AMBRA1: variants seen among roughly 807,000 people sequenced by gnomAD.
The protein encoded by AMBRA1 is activating molecule in BECN1-regulated autophagy protein 1.
In AMBRA1, 47 loss-of-function variants were observed where a neutral mutation model predicts 125.4. The ratio of observed to expected loss-of-function variants is 0.37; its 90% CI spans 0.30 to 0.48. The LOEUF (loss-of-function observed/expected upper bound fraction) is 0.48, where lower values mean the gene tolerates loss of function less well. Ranked by LOEUF, AMBRA1 falls within the 20% of genes least tolerant of loss-of-function variation. The pLI is 0.99. For synonymous variants in AMBRA1, 626 were observed against 655.5 expected (o/e 0.95, Z 0.69); for missense variants, 1,331 against 1,693.4 (o/e 0.79, Z 3.76).
intron 11 of AMBRA1, among the ~76,000 whole-genome samples, chr11:46,454,082 G>A (rs1948738029): frequency 6.6e-6 from 1 of 152,144 alleles, no homozygotes; most frequent in South Asian, 2.1e-4. Context: ...TGAGGCCAAA[G>A]GCACTGGATC....
chr11:46,407,977 GCA>G (rs1380069782), intron 17 of AMBRA1, among the ~76,000 whole-genome samples: 3 of 152,214 alleles, frequency 2.0e-5, no homozygotes, highest in African/African-American at 7.2e-5. Flanking sequence ...TGTGAGGCTG[GCA>G]CAGAGAGTCA....
chr11:46,515,527 T>C (rs926030433), intron 7 of AMBRA1, among the ~76,000 whole-genome samples: 4 of 151,960 alleles, frequency 2.6e-5, no homozygotes, highest in Non-Finnish European at 5.9e-5. Context: ...TTAAAGAAAC[T>C]AATTATGGTA....
chr11:46,400,445 C>A (rs1423531069), intron 17 of AMBRA1, among the ~76,000 whole-genome samples: 2 of 140,344 alleles, frequency 1.4e-5, no homozygotes, highest in Non-Finnish European at 3.0e-5. Flanking sequence ...TGGTACTTGG[C>A]AGCCTCATGC....
chr11:46,416,792 C>T (rs1263544854), intron 15 of AMBRA1, among the ~76,000 whole-genome samples: 1 of 152,224 alleles, frequency 6.6e-6, no homozygotes, highest in Non-Finnish European at 1.5e-5. Context: ...ATTTAGTCGG[C>T]TGGAACCTTG....
chr11:46,425,310 TTGTGTGTGTGTGTGTGTGTGTGTG>T lies in AMBRA1; in HGVS notation c.2977-7282_2977-7259del, dbSNP rs34321655. On this transcript the variant is annotated intron_variant, in intron 14 of 17. Transcript: ENST00000683756. ...CTTCTGTATCTTTTGCTTGATCCAT[TTGTGTGTGTGTGTGTGTGTGTGTG>T]TGTGTGTGTGTGTGTGTAAGAAGTA... Among the ~76,000 whole-genome samples the T allele has an allele frequency of 1.9e-4, 26 of 135,498 alleles. 1 individual carries two copies. Among genetic ancestry groups the T allele is most frequent in the Admixed American group, 7.4e-5 (1 of 13,598 alleles). The allele number at this position is 135,498 out of a possible 152,430, so 88.9% of individuals were successfully genotyped here. A position where few individuals can be genotyped will look rare whatever the true frequency, so the allele number is the denominator to read the frequency against.
intron 7 of AMBRA1, among the ~76,000 whole-genome samples, chr11:46,523,697 G>C (rs147493375): frequency 6.6e-6 from 1 of 152,158 alleles, no homozygotes; most frequent in Non-Finnish European, 1.5e-5. Context: ...ACCCAGATGC[G>C]CTTTATTTAG....
Position 46,493,978 on chromosome 11 carries a change from T to C in AMBRA1, c.2420+146A>G, listed in dbSNP as rs1565216427. On this transcript the variant is annotated intron_variant, in intron 10 of 17. Transcript: ENST00000683756. ...TTTGAATGTGGCTAACCATCATCCG[T>C]CAAGAGTTTAGACAGCAGGGCTGGG... The C allele has an allele frequency of 3.1e-5, 24 of 763,780 alleles. No individual in the cohort carries two copies. In the South Asian group the frequency reaches 3.9e-4, roughly 13 times the overall value. The allele number at this position is 763,780 out of a possible 1,614,324, so 47.3% of individuals were successfully genotyped here.
At chr11:46,578,485 T>TA (rs1330536762) in intron 1 of AMBRA1, among the ~76,000 whole-genome samples, 60 of 137,992 alleles carry the variant, frequency 4.3e-4, no homozygotes, top group South Asian at 2.3e-3. Flanking sequence ...AGACTCCATC[T>TA]AAAAAAAAAA....
intron 8 of AMBRA1, among the ~76,000 whole-genome samples, chr11:46,512,293 C>A (rs556835031): frequency 1.1e-4 from 16 of 152,346 alleles, no homozygotes; most frequent in South Asian, 8.3e-4. Context: ...TTGACTTCTG[C>A]CTTTTGATAT....
chr11:46,585,819 T>C (rs2044377772), intron 1 of AMBRA1, among the ~76,000 whole-genome samples: 1 of 145,930 alleles, frequency 6.9e-6, no homozygotes. Context: ...TTTTTTTTTC[T>C]TTTGAGACGG....
At chr11:46,546,033 C>CTTTTTTTTTT (rs35703280) in intron 4 of AMBRA1, 10 of 139,180 alleles carry the variant, frequency 7.2e-5, no homozygotes, top group Non-Finnish European at 1.3e-4. Context: ...GTTCCTATTT[C>CTTTTTTTTTT]TTTTTTTTTT....
At chr11:46,520,984 C>G (rs1283607413) in intron 7 of AMBRA1, among the ~76,000 whole-genome samples, 2 of 152,136 alleles carry the variant, frequency 1.3e-5, no homozygotes, top group African/African-American at 4.8e-5. Flanking sequence ...TACATGAAAA[C>G]AGGTACTGGA....
chr11:46,487,325 T>A (rs1051340338), intron 11 of AMBRA1, among the ~76,000 whole-genome samples: 1 of 151,962 alleles, frequency 6.6e-6, no homozygotes, highest in Non-Finnish European at 1.5e-5. Context: ...TTAACAATAA[T>A]AACAAGTAAA....
chr11:46,464,126 A>G (rs1949222710), intron 11 of AMBRA1, among the ~76,000 whole-genome samples: 1 of 152,222 alleles, frequency 6.6e-6, no homozygotes. Flanking sequence ...GAAACAATAT[A>G]CAGAATTAGG....
chr11:46,405,409 A>G, intron 17 of AMBRA1, among the ~76,000 whole-genome samples: 1 of 152,186 alleles, frequency 6.6e-6, no homozygotes, highest in Non-Finnish European at 1.5e-5. Context: ...GTAAAAGCTC[A>G]GTGAAATCAA....
At chr11:46,443,933 A>C (rs2136754261) in intron 11 of AMBRA1, among the ~76,000 whole-genome samples, 1 of 152,362 alleles carries the variant, frequency 6.6e-6, no homozygotes. Context: ...TTTCACAAAA[A>C]TGTGAGAAAA....
At chr11:46,547,023 A>ACT in intron 4 of AMBRA1, 90 bp downstream of exon 4, 1 of 1,294,928 alleles carries the variant, frequency 7.7e-7, no homozygotes, top group Non-Finnish European at 1.1e-6. Flanking sequence ...GCGAGCCAAG[A>ACT]TCACACCACT....
intron 7 of AMBRA1, among the ~76,000 whole-genome samples, chr11:46,524,795 T>C (rs1424216547): frequency 6.6e-6 from 1 of 152,232 alleles, no homozygotes; most frequent in Non-Finnish European, 1.5e-5. Context: ...AAAGGTACTT[T>C]GTCAGAAAGA....
intron 11 of AMBRA1, among the ~76,000 whole-genome samples, chr11:46,445,313 A>G (rs1360116693): frequency 6.6e-6 from 1 of 152,178 alleles, no homozygotes; most frequent in East Asian, 1.9e-4. Context: ...TTGCAAATTC[A>G]AAGACATAAG....
Sources: gnomAD v4.1 joint callset for allele counts (sites outside exome capture counted in the v4.1 genomes callset) on GRCh38, gnomAD v4.1.1 for gene constraint, MANE v1.5 for transcripts, NCBI Gene and HGNC (gene_info 2026-07-23, HGNC 2026-07-21) for gene names.